The following TMEM132D variants were observed in gnomAD, a reference collection of about 807,000 sequenced individuals.
TMEM132D encodes the protein mature OL transmembrane protein.
TMEM132D carries 21 observed loss-of-function variants against 62.3 expected under a neutral mutation model. The observed-to-expected ratio is 0.34, with a 90% CI of 0.24 to 0.49. The LOEUF is 0.49. TMEM132D is among the 20% of genes least tolerant of loss of function. The pLI is 0.99. For synonymous variants in TMEM132D, 621 were observed against 575.6 expected, an observed-to-expected ratio of 1.08 and a Z score of -1.13; for missense variants, 1,346 against 1,402.8, an observed-to-expected ratio of 0.96 and a Z score of 0.65.
intron 3 of TMEM132D, among the ~76,000 whole-genome samples, chr12:129,370,773 A>G (rs984971985): frequency 1.3e-5 from 2 of 152,242 alleles, no homozygotes; most frequent in Non-Finnish European, 2.9e-5. Context: ...AAACTAAGCC[A>G]GGCAGAGAAA....
At chr12:129,232,758 A>G (rs949176828) in intron 4 of TMEM132D, among the ~76,000 whole-genome samples, 2 of 152,176 alleles carry the variant, frequency 1.3e-5, no homozygotes, top group Non-Finnish European at 2.9e-5. Flanking sequence ...GGGAGGCCTC[A>G]GGAAACAATC....
At chr12:129,480,706 T>C (rs1266783693) in intron 3 of TMEM132D, among the ~76,000 whole-genome samples, 2 of 152,162 alleles carry the variant, frequency 1.3e-5, no homozygotes, top group Admixed American at 6.5e-5. Flanking sequence ...GTTCCAAATA[T>C]GAGAAAGTTG....
In TMEM132D at chr12:129,228,812, C is replaced by T. The variant is rs575064280; in HGVS notation, c.1300-19149G>A. Reference sequence around the variant, plus strand: ...GTTAATCAACTAGGGTTCCAAGGACCGCATCCCGCCCATGGAAATGATTTG... The same window carrying T: ...GTTAATCAACTAGGGTTCCAAGGACTGCATCCCGCCCATGGAAATGATTTG... On this transcript the variant is annotated intron_variant, in intron 4 of 8. Coordinates refer to ENST00000422113, the MANE Select transcript of TMEM132D (RefSeq NM_133448.3). Among the ~76,000 whole-genome samples the T allele has an allele frequency of 1.1e-4, 16 of 152,162 alleles. 1 individual carries two copies. The highest frequency in any genetic ancestry group is 2.6e-4 in the Admixed American group (4 of 15,282).
chr12:129,626,321 G>C (rs265621), intron 2 of TMEM132D, among the ~76,000 whole-genome samples: 3,608 of 152,222 alleles, frequency 0.024, 161 homozygotes, highest in African/African-American at 0.083. Context: ...GACAGGATGT[G>C]CAATTTTCCC....
At chr12:129,401,561 G>A (rs1054576925) in intron 3 of TMEM132D, among the ~76,000 whole-genome samples, 1 of 151,846 alleles carries the variant, frequency 6.6e-6, no homozygotes, top group South Asian at 2.1e-4. Context: ...AGAGCGAGAC[G>A]CTGCCTTAAA....
chr12:129,704,927 C>G (rs1194353677), intron 1 of TMEM132D, among the ~76,000 whole-genome samples: 1 of 152,024 alleles, frequency 6.6e-6, no homozygotes, highest in Non-Finnish European at 1.5e-5. Context: ...AAAAGCAGAG[C>G]CTTTGTTGTT....
At chr12:129,556,329 C>G (rs1877056391) in intron 2 of TMEM132D, among the ~76,000 whole-genome samples, 1 of 152,158 alleles carries the variant, frequency 6.6e-6, no homozygotes, top group Non-Finnish European at 1.5e-5. Flanking sequence ...ACCTGCCCAC[C>G]TGACACCTGG....
intron 3 of TMEM132D, among the ~76,000 whole-genome samples, chr12:129,381,661 C>T (rs1408267172): frequency 3.9e-5 from 6 of 152,014 alleles, no homozygotes; most frequent in African/African-American, 1.4e-4. Flanking sequence ...TCTGCACACT[C>T]CTTTGTATTT....
At chr12:129,533,766 T>C (rs1215287805) in intron 2 of TMEM132D, among the ~76,000 whole-genome samples, 1 of 152,172 alleles carries the variant, frequency 6.6e-6, no homozygotes, top group Admixed American at 6.5e-5. Flanking sequence ...AAAATGTTTT[T>C]TCCTGGAATT....
chr12:129,500,938 A>G (rs1290210118), intron 3 of TMEM132D, among the ~76,000 whole-genome samples: 1 of 152,218 alleles, frequency 6.6e-6, no homozygotes, highest in Admixed American at 6.5e-5. Context: ...GGGCAAGTAA[A>G]ATGAGCTTCG....
chr12:129,390,844 C>T (rs1037673326), intron 3 of TMEM132D, among the ~76,000 whole-genome samples: 3 of 152,192 alleles, frequency 2.0e-5, no homozygotes, highest in Admixed American at 2.0e-4. Flanking sequence ...TGCATTCTCA[C>T]CCTGGCTCTA....
At chr12:129,141,523 G>C (rs1330233954) in intron 5 of TMEM132D, among the ~76,000 whole-genome samples, 2 of 152,194 alleles carry the variant, frequency 1.3e-5, no homozygotes, top group African/African-American at 4.8e-5. Context: ...TGGTGGTCCA[G>C]GAAGGTTCCT....
At chr12:129,576,394 G>C (rs1239328226) in intron 2 of TMEM132D, among the ~76,000 whole-genome samples, 1 of 151,752 alleles carries the variant, frequency 6.6e-6, no homozygotes, top group Non-Finnish European at 1.5e-5. Context: ...CAGAGAAACA[G>C]AACAACAGAA....
chr12:129,603,179 T>C (rs1565919154), intron 2 of TMEM132D, among the ~76,000 whole-genome samples: 2 of 152,190 alleles, frequency 1.3e-5, no homozygotes, highest in Admixed American at 6.5e-5. Context: ...AAGTTGGCAT[T>C]AGGGTTCACA....
chr12:129,543,291 T>G (rs1593059384), intron 2 of TMEM132D, among the ~76,000 whole-genome samples: 1 of 12,460 alleles, frequency 8.0e-5, no homozygotes, highest in African/African-American at 3.5e-4. Context: ...AGTAAGTGGG[T>G]GGGTGGGTGG....
chr12:129,410,648 A>G (rs1203396477), intron 3 of TMEM132D, among the ~76,000 whole-genome samples: 1 of 152,164 alleles, frequency 6.6e-6, no homozygotes, highest in South Asian at 2.1e-4. Flanking sequence ...GTGAGCCACC[A>G]CCGTGCCTGG....
At chr12:129,492,474 T>C (rs1028858353) in intron 3 of TMEM132D, among the ~76,000 whole-genome samples, 4 of 152,332 alleles carry the variant, frequency 2.6e-5, no homozygotes, top group African/African-American at 7.2e-5. Context: ...ACTAATAGCA[T>C]GACAATTGGT....
intron 1 of TMEM132D, among the ~76,000 whole-genome samples, chr12:129,713,662 G>A (rs1020346029): frequency 6.6e-6 from 1 of 152,206 alleles, no homozygotes; most frequent in African/African-American, 2.4e-5. Context: ...AGAGGCAGGT[G>A]TGTGAGTCCC....
Position 129,537,068 on chromosome 12 carries a change from G to A in TMEM132D, c.969-5863C>T, listed in dbSNP as rs138918874. On this transcript the variant is annotated intron_variant, in intron 2 of 8. Coordinates refer to ENST00000422113, the MANE Select transcript of TMEM132D (RefSeq NM_133448.3). ...CCAGCTACTCAGGAGGCTGAGACGG[G>A]AGAATTGCTTGAACCCGGGAGGCAG... 8.2e-3 allele frequency among the ~76,000 whole-genome samples: 1,215 copies of A among 147,980 alleles called. 22 individuals are homozygous for A. Among genetic ancestry groups the A allele is most frequent in the African/African-American group, 0.029 (1,155 of 40,302 alleles).
Sources: gnomAD v4.1 joint callset for allele counts (sites outside exome capture counted in the v4.1 genomes callset) on GRCh38, gnomAD v4.1.1 for gene constraint, MANE v1.5 for transcripts, NCBI Gene and HGNC (gene_info 2026-07-23, HGNC 2026-07-21) for gene names.